The following AAAS variants were observed in gnomAD, a reference collection of about 807,000 sequenced individuals.
AAAS encodes the protein aladin.
AAAS carries 60 observed loss-of-function variants against 75.6 expected under a neutral mutation model. The observed-to-expected ratio is 0.79, with a 90% confidence interval of 0.64 to 0.98. The LOEUF is 0.98. AAAS is among the 50% of genes least tolerant of loss of function. The pLI is 0.00. For missense variants in AAAS, 658 were observed against 686.9 expected, an observed-to-expected ratio of 0.96 and a Z score of 0.47; for synonymous variants, 271 against 265.0, an observed-to-expected ratio of 1.02 and a Z score of -0.22.
In AAAS at chr12:53,308,417, C is replaced by G; in HGVS notation, c.1181+18G>C. 9.9e-6 allele frequency: 16 copies of G among 1,614,188 alleles called. No individual in the cohort carries two copies. The highest frequency in any genetic ancestry group is 1.4e-5 in the Non-Finnish European group (16 of 1,180,028). On this transcript the variant is annotated intron_variant, in intron 12 of 15. Coordinates refer to ENST00000209873, the MANE Select transcript of AAAS (RefSeq NM_015665.6). ...CCCACCTGCTTTTCACTGCCACTCC[C>G]TCAACCACTCAGCTCACCTCTCCTC...
chr12:53,311,272 T>A (rs972076591), intron 7 of AAAS, among the ~76,000 whole-genome samples: 13 of 152,074 alleles, frequency 8.5e-5, no homozygotes, highest in African/African-American at 2.7e-4. Context: ...TTTAAAAAAA[T>A]TTTTTTAAAT....
In AAAS at chr12:53,321,163, C is replaced by T. The variant is rs1944547937; in HGVS notation, c.123+180G>A. On this transcript the variant is annotated intron_variant, in intron 1 of 15. Transcript: ENST00000209873. Reference sequence around the variant, plus strand: ...CTCCACAGCTCCTTAACCGTTCCCCCGTTATACTCCAATCCCAGTCCTAAA... The same window carrying T: ...CTCCACAGCTCCTTAACCGTTCCCCTGTTATACTCCAATCCCAGTCCTAAA... The T allele has an allele frequency of 6.5e-6, 6 of 924,334 alleles. No individual in the cohort carries two copies. The East Asian group carries it at 1.3e-4, about 20-fold the overall frequency. 57.3% of individuals were successfully genotyped at this position (924,334 alleles called of 1,614,324 possible).
chr12:53,307,695 T>C lies in AAAS; in HGVS notation c.1435A>G (p.Ile479Val), dbSNP rs1408523843. ...ACAAAGTACAGCGGGATGTGGGCAA[T>C]TCGGCCTGTGGACCAGCCCTGCAGA... is the stretch of plus-strand genomic sequence containing the variant. The part of the protein sequence containing the change: ...LLSVGWSTGR[I>V]AHIPLYFVNA... Residue 479 changes from isoleucine (I) to valine (V), a missense_variant, in exon 16 of 16, where the codon ATT becomes GTT. Ile to Val is a conservative substitution (Grantham distance 29). Transcript: ENST00000209873. 1.2e-6 allele frequency: 2 copies of C among 1,614,092 alleles called. No individual in the cohort carries two copies. Among genetic ancestry groups the C allele is most frequent in the Admixed American group, 1.7e-5 (1 of 60,028 alleles).
intron 15 of AAAS, 28 bp downstream of exon 15, chr12:53,307,816 TG>T: frequency 6.2e-7 from 1 of 1,613,758 alleles, no homozygotes; most frequent in Non-Finnish European, 8.5e-7. Flanking sequence ...ATCCAACTCC[TG>T]GAAGCCCCAG....
At chr12:53,318,594 A>G (rs370180794) in intron 2 of AAAS, among the ~76,000 whole-genome samples, 32 of 152,288 alleles carry the variant, frequency 2.1e-4, no homozygotes, top group African/African-American at 7.5e-4. Flanking sequence ...AGAAAGTAGC[A>G]GTCAGGATTC....
chr12:53,310,008 C>A lies in AAAS; in HGVS notation c.690-287G>T, dbSNP rs1944362037. 18 of 500,454 alleles carry A rather than the reference C, an allele frequency of 3.6e-5. No individual in the cohort carries two copies. The South Asian group carries it at 3.7e-4, about 10-fold the overall frequency. 31.0% of individuals were successfully genotyped at this position (500,454 alleles called of 1,614,324 possible). ...AGATAGGCCATGAGGCAAAACCTAA[C>A]CAGTAACCTAGAAGGTACTGCCCCT... On this transcript the variant is annotated intron_variant, in intron 7 of 15. Coordinates refer to ENST00000209873, the MANE Select transcript of AAAS (RefSeq NM_015665.6).
intron 7 of AAAS, among the ~76,000 whole-genome samples, chr12:53,312,229 AT>A (rs1278751487): frequency 1.3e-5 from 2 of 151,352 alleles, no homozygotes; most frequent in Non-Finnish European, 2.9e-5. Context: ...AAAAAAAAAA[AT>A]CTCATTATTT....
chr12:53,321,166 T>C (rs932418109), intron 1 of AAAS, 177 bp downstream of exon 1: 1 of 964,048 alleles, frequency 1.0e-6, no homozygotes, highest in Non-Finnish European at 1.5e-6. Flanking sequence ...GTTCCCCCGT[T>C]ATACTCCAAT....
In AAAS at chr12:53,307,933, G is replaced by C. The variant is rs762073396; in HGVS notation, c.1332-4C>G. The C allele has an allele frequency of 6.8e-6, 11 of 1,614,064 alleles. No individual in the cohort carries two copies. Among genetic ancestry groups the C allele is most frequent in the Middle Eastern group, 1.6e-4 (1 of 6,084 alleles). The stretch of plus-strand genomic sequence containing the variant: ...TGGCTCCCCCTGGATAATGCCACTA[G>C]AAGAAAAGGTGAGCAGGCAACCGGA... On this transcript the variant is annotated splice_region_variant and splice_polypyrimidine_tract_variant and intron_variant, in intron 14 of 15. Coordinates refer to ENST00000209873, the MANE Select transcript of AAAS (RefSeq NM_015665.6).
chr12:53,314,698 C>T, intron 6 of AAAS, 53 bp downstream of exon 6: 2 of 1,565,868 alleles, frequency 1.3e-6, no homozygotes, highest in South Asian at 1.1e-5. Flanking sequence ...CCAAGGCTGG[C>T]AAGGGAAGGT....
At chr12:53,309,947 C>T (rs1565778462) in intron 7 of AAAS, 1 of 636,564 alleles carries the variant, frequency 1.6e-6, no homozygotes, top group East Asian at 2.9e-5. Flanking sequence ...AGGTAATCTG[C>T]AAGGTCTCAG....
intron 10 of AAAS, 47 bp downstream of exon 10, chr12:53,308,913 T>C (rs1281306864): frequency 1.2e-6 from 2 of 1,613,728 alleles, no homozygotes; most frequent in Non-Finnish European, 8.5e-7. Context: ...AGGGGCCCAT[T>C]GGAATCATCT....
intron 3 of AAAS, 87 bp from the exon 4 acceptor site, chr12:53,315,513 C>A (rs552913859): frequency 6.8e-6 from 9 of 1,317,472 alleles, no homozygotes; most frequent in Non-Finnish European, 9.6e-6. Flanking sequence ...GAAGGACAGG[C>A]ACTCCCCAGG....
At position 53,320,654 on chromosome 12, in the gene AAAS, G is replaced by A. The variant is rs1224420791; in HGVS notation, c.162C>T (p.Pro54=). The A allele has an allele frequency of 2.5e-6, 4 of 1,614,112 alleles. No individual in the cohort carries two copies. In the Admixed American group the frequency reaches 5.0e-5, roughly 20 times the overall value. ...NLPVLQLTKD[P]LKTPGRLDHG... ...GGTCCAGCCTTCCAGGGGTCTTTAGGGGATCCTTTGTCAGTTGTAGGACAG... is the reference window on the plus strand; with the variant it reads ...GGTCCAGCCTTCCAGGGGTCTTTAGAGGATCCTTTGTCAGTTGTAGGACAG... Residue 54 remains proline (P), a synonymous_variant, in exon 2 of 16, where the codon CCC becomes CCT. Transcript: ENST00000209873.
rs753655199 is a variant in AAAS, at chr12:53,308,427, C to G, written c.1181+8G>C. 6.8e-6 allele frequency: 11 copies of G among 1,614,194 alleles called. No individual in the cohort carries two copies. Among genetic ancestry groups the G allele is most frequent in the Non-Finnish European group, 9.3e-6 (11 of 1,180,034 alleles). On this transcript the variant is annotated splice_region_variant and intron_variant, in intron 12 of 15. Transcript: ENST00000209873. ...TTTCACTGCCACTCCCTCAACCACT[C>G]AGCTCACCTCTCCTCACCATCTGGT...
rs538806028 is a variant in AAAS at position 53,320,099 on chromosome 12, C to G, written c.251+466G>C. ...CGCCACTGCACTCCAGCCTGGGCAA[C>G]AAGAGTGAAACTCCATCTCAAAAAA... On this transcript the variant is annotated intron_variant, in intron 2 of 15. Transcript: ENST00000209873. Among the ~76,000 whole-genome samples the G allele has an allele frequency of 2.0e-5, 3 of 150,908 alleles. No homozygotes were observed. The South Asian group carries it at 6.3e-4, about 32-fold the overall frequency.
At position 53,314,920 on chromosome 12, in the gene AAAS, C is replaced by T. The variant is rs1004109065; in HGVS notation, c.447-71G>A. 4 of 1,519,522 alleles carry T rather than the reference C, an allele frequency of 2.6e-6. No homozygotes were observed. In the African/African-American group the frequency reaches 4.1e-5, roughly 16 times the overall value. The allele number at this position is 1,519,522 out of a possible 1,614,324, so 94.1% of individuals were successfully genotyped here. On this transcript the variant is annotated intron_variant, in intron 5 of 15. Transcript: ENST00000209873. The stretch of plus-strand genomic sequence containing the variant: ...CTAGCCCAGAAGCTCACATTCATTT[C>T]CAGTAAGGACATGGTTTTTTCCTAC...
In AAAS at chr12:53,321,406, C is replaced by T; in HGVS notation, c.60G>A (p.Glu20=). The T allele has an allele frequency of 6.2e-7, 1 of 1,614,242 alleles. No individual in the cohort carries two copies. The highest frequency in any genetic ancestry group is 8.5e-7 in the Non-Finnish European group (1 of 1,180,046). The part of the protein sequence containing the change: ...PPPRGQVTLY[E]HNNELVTGSS... Reference sequence around the variant, plus strand: ...TGCCCGTCACCAGCTCGTTATTGTGCTCATATAGGGTGACTTGACCCCGAG... The same window carrying T: ...TGCCCGTCACCAGCTCGTTATTGTGTTCATATAGGGTGACTTGACCCCGAG... The change falls in exon 1 of 16, where the codon GAG becomes GAA. Residue 20 remains glutamate, a synonymous_variant. Transcript: ENST00000209873.
rs1038148305 is a variant in AAAS at position 53,315,800 on chromosome 12, T to C, written c.252-18A>G. The C allele has an allele frequency of 1.2e-6, 2 of 1,612,914 alleles. No individual in the cohort carries two copies. The highest frequency in any genetic ancestry group is 2.7e-5 in the African/African-American group (2 of 74,872). ...CATCACGCCTGATAAGGGAGGAAAA[T>C]GTGGGTCAGCTTACTCTGATCCCCT... On this transcript the variant is annotated intron_variant, in intron 2 of 15. Transcript: ENST00000209873.
Sources: allele counts gnomAD v4.1 joint callset (sites outside exome capture counted in the v4.1 genomes callset), GRCh38; gene constraint gnomAD v4.1.1; transcripts MANE v1.5; gene names NCBI Gene and HGNC (gene_info 2026-07-23, HGNC 2026-07-21).